Variants in SLC7A11 observed in about 807,000 individuals in gnomAD.
SLC7A11 encodes cystine/glutamate transporter.
In SLC7A11, 35 loss-of-function variants were observed where a neutral mutation model predicts 54.5. That is an observed-to-expected ratio of 0.64 (90% CI 0.49 to 0.85). The LOEUF is 0.85. SLC7A11 is among the 40% of genes least tolerant of loss of function. The probability of loss-of-function intolerance (pLI) is 0.00; values close to 1 mark genes in which losing one functional copy is unlikely to be tolerated. For missense variants in SLC7A11, 583 were observed against 618.1 expected (o/e 0.94, Z 0.60); for synonymous variants, 230 against 225.2 (o/e 1.02, Z -0.19).
chr4:138,220,399 CTT>C (rs1213076825), intron 4 of SLC7A11, among the ~76,000 whole-genome samples: 2 of 152,126 alleles, frequency 1.3e-5, no homozygotes, highest in Non-Finnish European at 1.5e-5. Context: ...TATTTACTCT[CTT>C]GTCCTTTACA....
intron 6 of SLC7A11, among the ~76,000 whole-genome samples, chr4:138,209,808 G>A (rs939726637): frequency 4.6e-5 from 7 of 151,910 alleles, no homozygotes; most frequent in Non-Finnish European, 8.8e-5. Flanking sequence ...CATTAAAATG[G>A]CAGTACTGCC....
chr4:138,180,618 C>T, intron 10 of SLC7A11, 23 bp downstream of exon 10: 1 of 1,610,668 alleles, frequency 6.2e-7, no homozygotes, highest in Non-Finnish European at 8.5e-7. Context: ...TTTATGTAAA[C>T]CCATCAAGAT....
At chr4:138,234,119 G>T (rs530050857) in intron 2 of SLC7A11, among the ~76,000 whole-genome samples, 1 of 151,950 alleles carries the variant, frequency 6.6e-6, no homozygotes, top group East Asian at 1.9e-4. Flanking sequence ...GAGCTCTAAG[G>T]GTACAAAATC....
At chr4:138,221,510 A>G (rs1737811656) in intron 4 of SLC7A11, among the ~76,000 whole-genome samples, 1 of 152,212 alleles carries the variant, frequency 6.6e-6, no homozygotes, top group African/African-American at 2.4e-5. Context: ...AATGGTCTCT[A>G]AAATGTTAAA....
At chr4:138,206,570 T>C (rs1439010679) in intron 6 of SLC7A11, among the ~76,000 whole-genome samples, 1 of 151,784 alleles carries the variant, frequency 6.6e-6, no homozygotes, top group Non-Finnish European at 1.5e-5. Flanking sequence ...AAAAGCTAAA[T>C]AGCTTCCACA....
chr4:138,221,706 T>C (rs1737816663), intron 4 of SLC7A11, among the ~76,000 whole-genome samples: 1 of 152,210 alleles, frequency 6.6e-6, no homozygotes, highest in Non-Finnish European at 1.5e-5. Flanking sequence ...GAGCAACATT[T>C]GGGCAACCAA....
intron 11 of SLC7A11, chr4:138,175,614 CG>C (rs1736552171): frequency 6.6e-6 from 1 of 152,116 alleles, no homozygotes; most frequent in Non-Finnish European, 1.5e-5. Flanking sequence ...AAAAGCTTTC[CG>C]TGTATCTCAC....
chr4:138,208,676 G>C (rs1386904523), intron 6 of SLC7A11, among the ~76,000 whole-genome samples: 2 of 151,936 alleles, frequency 1.3e-5, no homozygotes, highest in Non-Finnish European at 2.9e-5. Flanking sequence ...TATTCCTTGG[G>C]ATTCTATCAT....
chr4:138,191,128 G>A (rs1737001832), intron 6 of SLC7A11, among the ~76,000 whole-genome samples: 1 of 152,148 alleles, frequency 6.6e-6, no homozygotes, highest in Non-Finnish European at 1.5e-5. Context: ...GCCTATTTAT[G>A]AACATTTTTT....
At position 138,241,789 on chromosome 4, in the gene SLC7A11, T is replaced by C. The variant is rs1168546639; in HGVS notation, c.277+4A>G. The C allele has an allele frequency of 1.2e-6, 2 of 1,607,202 alleles. No individual in the cohort carries two copies. Among genetic ancestry groups the C allele is most frequent in the Non-Finnish European group, 1.7e-6 (2 of 1,174,386 alleles). On this transcript the variant is annotated splice_donor_region_variant and intron_variant, in intron 1 of 11. Transcript: ENST00000280612. ...GCCCCCACGAGAGAAAAAGTCGCAC[T>C]CACCAAATAGTGACAGGACCCCACA...
At chr4:138,174,265 C>T (rs897809072) in intron 11 of SLC7A11, among the ~76,000 whole-genome samples, 5 of 152,200 alleles carry the variant, frequency 3.3e-5, no homozygotes, top group Admixed American at 2.6e-4. Flanking sequence ...AAATGAGGAG[C>T]AACTTAGATC....
chr4:138,200,114 A>T (rs1737242550), intron 6 of SLC7A11, among the ~76,000 whole-genome samples: 1 of 152,000 alleles, frequency 6.6e-6, no homozygotes, highest in African/African-American at 2.4e-5. Context: ...TTCTATTTCA[A>T]TTTCTCTTTT....
intron 3 of SLC7A11, 132 bp from the exon 4 acceptor site, chr4:138,223,456 G>A (rs1203090228): frequency 1.1e-6 from 1 of 920,678 alleles, no homozygotes; most frequent in African/African-American, 1.7e-5. Flanking sequence ...TAGAAATGCA[G>A]AATCTCAGGC....
At position 138,169,781 on chromosome 4, in the gene SLC7A11, G is replaced by C. The variant is rs1266416162; in HGVS notation, c.*2175C>G. 1 of 152,042 alleles carries C rather than the reference G, an allele frequency of 6.6e-6. No homozygotes were observed. The highest frequency in any genetic ancestry group is 1.5e-5 in the Non-Finnish European group (1 of 68,002). 9.4% of individuals were successfully genotyped at this position (152,042 alleles called of 1,614,324 possible). ...CTTACCTCCAGCAACATATCATAGG[G>C]AGAGATGTGGACAAATGAACAATAT... On this transcript the variant is annotated 3_prime_UTR_variant, in exon 12 of 12. Coordinates refer to ENST00000280612, the MANE Select transcript of SLC7A11 (RefSeq NM_014331.4).
At chr4:138,187,830 A>T (rs6842328) in intron 6 of SLC7A11, among the ~76,000 whole-genome samples, 3,024 of 152,184 alleles carry the variant, frequency 0.02, 96 homozygotes, top group African/African-American at 0.067. Flanking sequence ...TTAAAAGAAA[A>T]CAGAAGCTCA....
chr4:138,212,104 C>T lies in SLC7A11; in HGVS notation c.791+2481G>A, dbSNP rs141956316. On this transcript the variant is annotated intron_variant, in intron 6 of 11. Transcript: ENST00000280612. ...TTATCCTGATTTGATCATTACACAT[C>T]GTATGCATGCATCGAGATAGCATAG... 1.1e-4 allele frequency among the ~76,000 whole-genome samples: 17 copies of T among 151,852 alleles called. No homozygotes were observed. The East Asian group carries it at 2.7e-3, about 24-fold the overall frequency.
chr4:138,188,547 G>A (rs989561418), intron 6 of SLC7A11, among the ~76,000 whole-genome samples: 1 of 152,142 alleles, frequency 6.6e-6, no homozygotes, highest in African/African-American at 2.4e-5. Context: ...GAAGAGCTTG[G>A]TCCTACACAG....
rs555461681 is a variant in SLC7A11, at chr4:138,218,330, T to A, written c.746+936A>T. Among the ~76,000 whole-genome samples the A allele has an allele frequency of 3.3e-5, 5 of 152,330 alleles. No homozygotes were observed. The South Asian group carries it at 1.0e-3, about 32-fold the overall frequency. The stretch of plus-strand genomic sequence containing the variant: ...GATCATTCTCACAGCTAAAGCTGTA[T>A]AACAATGAGATTTATAGATAATTAA... On this transcript the variant is annotated intron_variant, in intron 5 of 11. Coordinates refer to ENST00000280612, the MANE Select transcript of SLC7A11 (RefSeq NM_014331.4).
intron 6 of SLC7A11, among the ~76,000 whole-genome samples, chr4:138,207,014 C>CAAAAG (rs1389023695): frequency 1.8e-5 from 1 of 56,616 alleles, no homozygotes; most frequent in Admixed American, 1.7e-4. Flanking sequence ...AAAAAAAAAC[C>CAAAAG]CCCAGAGGGA....
Sources: gnomAD v4.1 joint callset for allele counts (sites outside exome capture counted in the v4.1 genomes callset) on GRCh38, gnomAD v4.1.1 for gene constraint, MANE v1.5 for transcripts, NCBI Gene and HGNC (gene_info 2026-07-23, HGNC 2026-07-21) for gene names.